The following IFT140 variants were observed in gnomAD, a reference collection of about 807,000 sequenced individuals.
IFT140 encodes intraflagellar transport protein 140 homolog.
Under a neutral mutation model 164.6 loss-of-function variants are expected in IFT140, and 133 were observed. The ratio of observed to expected loss-of-function variants is 0.81; its 90% confidence interval spans 0.70 to 0.93. The LOEUF (loss-of-function observed/expected upper bound fraction) is 0.93, where lower values mean the gene tolerates loss of function less well. IFT140 is among the 40% of genes least tolerant of loss of function. IFT140 has a pLI of 0.00. For synonymous variants in IFT140, 860 were observed against 817.3 expected (o/e 1.05, Z -0.89); for missense variants, 2,045 against 1,972.3 (o/e 1.04, Z -0.70).
At chr16:1,542,552 A>G (rs2031750511) in intron 19 of IFT140, among the ~76,000 whole-genome samples, 1 of 152,206 alleles carries the variant, frequency 6.6e-6, no homozygotes, top group Admixed American at 6.5e-5. Context: ...AGGAAGGCCA[A>G]GGCATGTGCT....
chr16:1,542,307 C>T (rs750750394), intron 19 of IFT140, among the ~76,000 whole-genome samples: 4 of 152,264 alleles, frequency 2.6e-5, no homozygotes, highest in African/African-American at 4.8e-5. Context: ...AGGCTGCGAC[C>T]ACCTGGCGTG....
chr16:1,525,073 G>C (rs544679704), intron 22 of IFT140, among the ~76,000 whole-genome samples, 157 bp from the exon 23 acceptor site: 53 of 152,294 alleles, frequency 3.5e-4, no homozygotes, highest in Non-Finnish European at 5.9e-4. Context: ...CCAAAGGGAG[G>C]GCCTGGCTCA....
At chr16:1,566,524 C>A (rs190991489) in intron 15 of IFT140, among the ~76,000 whole-genome samples, 7 of 152,280 alleles carry the variant, frequency 4.6e-5, no homozygotes, top group East Asian at 1.9e-4. Context: ...TGCAGTGGTG[C>A]GATCTTAGCT....
At chr16:1,516,200 A>T (rs2040339723) in intron 30 of IFT140, among the ~76,000 whole-genome samples, 1 of 149,924 alleles carries the variant, frequency 6.7e-6, no homozygotes, top group Non-Finnish European at 1.5e-5. Context: ...GATGGTAAAT[A>T]TGTAGGTAAA....
At chr16:1,555,116 G>C (rs1400995299) in intron 19 of IFT140, 1 of 1,497,322 alleles carries the variant, frequency 6.7e-7, no homozygotes, top group Non-Finnish European at 8.9e-7. Flanking sequence ...CACTTCCCCT[G>C]CTCGTGCAGA....
Position 1,524,865 on chromosome 16 carries a change from G to A in IFT140, c.2916C>T (p.Asp972=), listed in dbSNP as rs148945612. Residue 972 remains aspartate (D), a synonymous_variant, in exon 23 of 31, where the codon GAC becomes GAT. Coordinates refer to ENST00000426508, the MANE Select transcript of IFT140 (RefSeq NM_014714.4). ...CCAGCTCGTAGTAGTGCAGCGCGGCGTCCATCTCGCCCTGGCTCTCCAGGT... is the reference window on the plus strand; with the variant it reads ...CCAGCTCGTAGTAGTGCAGCGCGGCATCCATCTCGCCCTGGCTCTCCAGGT... ...AQYLESQGEM[D]AALHYYELAR... is the part of the protein sequence containing the mutation. 77 of 1,612,732 alleles carry A rather than the reference G, an allele frequency of 4.8e-5. No homozygotes were observed. Among genetic ancestry groups the A allele is most frequent in the East Asian group, 2.5e-4 (11 of 44,834 alleles).
At chr16:1,580,626 C>T in intron 13 of IFT140, 133 bp downstream of exon 13, 1 of 607,578 alleles carries the variant, frequency 1.6e-6, no homozygotes, top group Non-Finnish European at 2.9e-6. Context: ...ATTACCCGGT[C>T]TCAGGTAGTT....
Position 1,534,549 on chromosome 16 carries a change from G to A in IFT140, c.2400-7753C>T, listed in dbSNP as rs774099296. ...CGGCTTCCAGGAGTCCCGAGGCACCGTCAAACGTAAGTCCAATTGTTTTCC... is the reference window on the plus strand; with the variant it reads ...CGGCTTCCAGGAGTCCCGAGGCACCATCAAACGTAAGTCCAATTGTTTTCC... On this transcript the variant is annotated intron_variant, in intron 19 of 30. Transcript: ENST00000426508. The A allele has an allele frequency of 1.4e-5, 23 of 1,602,892 alleles. No individual in the cohort carries two copies. The highest frequency in any genetic ancestry group is 1.3e-4 in the East Asian group (6 of 44,886).
chr16:1,558,942 C>A (rs1398944804), intron 18 of IFT140, among the ~76,000 whole-genome samples: 1 of 152,252 alleles, frequency 6.6e-6, no homozygotes, highest in African/African-American at 2.4e-5. Flanking sequence ...AACTGACTTG[C>A]GGCCCCGGTG....
rs1596303574 is a variant in IFT140 at position 1,524,554 on chromosome 16, T to C, written c.3139A>G (p.Lys1047Glu). ...TCCCCACCCCGGGCCCGTGGTACCT[T>C]GCACAGGCGGATGGCATTCTTGAAG... Reference protein sequence around the residue: ...QAFKNAIRLCKENGLDDQLMN... With the variant: ...QAFKNAIRLCEENGLDDQLMN... Residue 1047 changes from lysine to glutamate, a missense_variant and splice_region_variant, in exon 24 of 31, where the codon AAG becomes GAG. By Grantham distance (56) the Lys-to-Glu change is moderately conservative. Transcript: ENST00000426508. 3.1e-6 allele frequency: 5 copies of C among 1,611,820 alleles called. No individual in the cohort carries two copies. Among genetic ancestry groups the C allele is most frequent in the East Asian group, 2.2e-5 (1 of 44,852 alleles).
intron 30 of IFT140, among the ~76,000 whole-genome samples, chr16:1,512,405 C>T (rs1056197792): frequency 3.9e-5 from 6 of 152,198 alleles, no homozygotes; most frequent in East Asian, 1.9e-4. Flanking sequence ...CCCCGGGTGG[C>T]GCTACAGCAG....
In IFT140 at chr16:1,588,030, T is replaced by C; in HGVS notation, c.811-6A>G. ...GTTTTCCCGCTCAGCTTGACCTGTG[T>C]GAGGAAACAACCGAGCAGAGGCACC... On this transcript the variant is annotated splice_region_variant and splice_polypyrimidine_tract_variant and intron_variant, in intron 7 of 30. Transcript: ENST00000426508. 6.2e-7 allele frequency: 1 copy of C among 1,613,128 alleles called. No homozygotes were observed. The highest frequency in any genetic ancestry group is 1.7e-5 in the Admixed American group (1 of 59,938).
At chr16:1,530,577 C>G (rs934215693) in intron 19 of IFT140, 1 of 152,174 alleles carries the variant, frequency 6.6e-6, no homozygotes, top group Non-Finnish European at 1.5e-5. Context: ...TGGTTCCTTC[C>G]GTCCACATCC....
intron 13 of IFT140, among the ~76,000 whole-genome samples, chr16:1,579,921 G>A (rs953956724): frequency 4.7e-4 from 70 of 148,210 alleles, no homozygotes; most frequent in African/African-American, 1.2e-3. Flanking sequence ...CTGAGATCAC[G>A]CCACTGTACT....
chr16:1,567,325 A>G (rs1489315591), intron 15 of IFT140, among the ~76,000 whole-genome samples: 1 of 152,168 alleles, frequency 6.6e-6, no homozygotes, highest in Non-Finnish European at 1.5e-5. Flanking sequence ...TCCCACCTGC[A>G]TCAGCCTTGG....
intron 19 of IFT140, among the ~76,000 whole-genome samples, chr16:1,536,694 C>T (rs947983222): frequency 2.6e-5 from 4 of 152,210 alleles, no homozygotes; most frequent in Non-Finnish European, 4.4e-5. Context: ...GGCCCCAACA[C>T]GGGGACGCGC....
chr16:1,513,788 C>T (rs1265734182), intron 30 of IFT140, among the ~76,000 whole-genome samples: 3 of 150,650 alleles, frequency 2.0e-5, no homozygotes, highest in Non-Finnish European at 4.4e-5. Flanking sequence ...ATTCTCCTGC[C>T]TCAGCCTCCC....
Position 1,517,772 on chromosome 16 carries a change from C to T in IFT140, c.4182+444G>A, listed in dbSNP as rs565882012. Among the ~76,000 whole-genome samples the T allele has an allele frequency of 4.1e-4, 63 of 152,322 alleles. No individual in the cohort carries two copies. In the South Asian group the frequency reaches 0.012, roughly 29 times the overall value. On this transcript the variant is annotated intron_variant, in intron 30 of 30. Transcript: ENST00000426508. ...TTCTTCACAAATAAAGTAAGTCTGT[C>T]GCTTTCCTGCGACACTGCTAGTAAC...
Position 1,602,478 on chromosome 16 carries a change from C to T in IFT140, c.261G>A (p.Val87=), listed in dbSNP as rs760790098. The T allele has an allele frequency of 1.9e-6, 3 of 1,614,220 alleles. No homozygotes were observed. In the South Asian group the frequency reaches 3.3e-5, roughly 18 times the overall value. The stretch of plus-strand genomic sequence containing the variant: ...GCTGCTCCTTGTCCTGCTTGTTAAA[C>T]ACCGTCACTTCTCCAGTCTCCCAGC... ...AVGWETGEVT[V]FNKQDKEQHT... is the part of the protein sequence containing the mutation. The change falls in exon 4 of 31, where the codon GTG becomes GTA. Residue 87 remains valine, a synonymous_variant. Transcript: ENST00000426508.
Sources: gnomAD v4.1 joint callset for allele counts (sites outside exome capture counted in the v4.1 genomes callset) on GRCh38, gnomAD v4.1.1 for gene constraint, MANE v1.5 for transcripts, NCBI Gene and HGNC (gene_info 2026-07-23, HGNC 2026-07-21) for gene names.